WNK4: variants seen among roughly 807,000 people sequenced by gnomAD.
The protein encoded by WNK4 is WNK lysine deficient protein kinase 4.
In WNK4, 94 loss-of-function variants were observed where a neutral mutation model predicts 116.2. The observed-to-expected ratio is 0.81, with a 90% CI of 0.68 to 0.96. WNK4 has a LOEUF of 0.96. WNK4 is among the 40% of genes least tolerant of loss of function. The probability of loss-of-function intolerance (pLI) is 0.00; values close to 1 mark genes in which losing one functional copy is unlikely to be tolerated. For synonymous variants in WNK4, 655 were observed against 672.7 expected (o/e 0.97, Z 0.41); for missense variants, 1,542 against 1,650.6 (o/e 0.93, Z 1.14).
chr17:42,788,509 A>G, intron 10 of WNK4, 102 bp downstream of exon 10: 1 of 1,290,516 alleles, frequency 7.7e-7, no homozygotes, highest in African/African-American at 1.5e-5. Context: ...GAAGCAGTGT[A>G]TGACTAGTAC....
At chr17:42,794,722 A>AAGCAT in intron 13 of WNK4, 50 bp from the exon 14 acceptor site, 1 of 1,613,710 alleles carries the variant, frequency 6.2e-7, no homozygotes, top group Non-Finnish European at 8.5e-7. Flanking sequence ...TGCTCCTGGG[A>AAGCAT]AGGGCATAGG....
chr17:42,786,351 C>T (rs1292863001), intron 6 of WNK4, among the ~76,000 whole-genome samples: 1 of 152,164 alleles, frequency 6.6e-6, no homozygotes, highest in Non-Finnish European at 1.5e-5. Context: ...GATGCAAGGG[C>T]AGAAGCTTGG....
In WNK4 at chr17:42,793,657, C is replaced by T. The variant is rs2144071439; in HGVS notation, c.2223C>T (p.Ile741=). 6.2e-7 allele frequency: 1 copy of T among 1,614,050 alleles called. No homozygotes were observed. The highest frequency in any genetic ancestry group is 2.2e-5 in the East Asian group (1 of 44,880). Residue 741 remains isoleucine (I), a synonymous_variant, in exon 12 of 19, where the codon ATC becomes ATT. Coordinates refer to ENST00000246914, the MANE Select transcript of WNK4 (RefSeq NM_032387.5). ...DGFLRRIREI[I]QRVETLLKRD... is the part of the protein sequence containing the mutation. ...TTCTCAGACGGATTCGGGAGATTAT[C>T]CAGCGAGTGGAGACCCTGTTGAAGA...
rs1451084336 is a variant in WNK4, at chr17:42,782,909, TGACCTCGGGCACGCTCAA to T, written c.774_791del (p.Ser259_Thr264del). The T allele has an allele frequency of 3.7e-6, 6 of 1,614,042 alleles. No homozygotes were observed. The African/African-American group carries it at 8.0e-5, about 22-fold the overall frequency. ...TGCATCGTGCTGGTCACCGAACTCA[TGACCTCGGGCACGCTCAA>T]GACGTGAGCTCTGCGCATGAGTGGG... On this transcript the variant is annotated inframe_deletion, in exon 2 of 19. Coordinates refer to ENST00000246914, the MANE Select transcript of WNK4 (RefSeq NM_032387.5). The surrounding 1 kb of genome is among the most constrained non-coding windows in gnomAD (Gnocchi z 4.2).
At chr17:42,787,716 C>G in intron 7 of WNK4, 62 bp from the exon 8 acceptor site, 1 of 1,604,102 alleles carries the variant, frequency 6.2e-7, no homozygotes, top group South Asian at 1.1e-5. Flanking sequence ...TAGGCAGGCC[C>G]CATCCTCTGC....
chr17:42,793,626 A>G lies in WNK4; in HGVS notation c.2192A>G (p.Asp731Gly), dbSNP rs1353690930. Residue 731 changes from aspartate to glycine, a missense_variant, in exon 12 of 19, where the codon GAT (aspartate) becomes GGT (glycine). Coordinates refer to ENST00000246914, the MANE Select transcript of WNK4 (RefSeq NM_032387.5). ...YNEFILPSER[D>G]GFLRRIREII... ...GAGTTCATTCTGCCTTCGGAGCGAG[A>G]TGGATTTCTCAGACGGATTCGGGAG... is the stretch of plus-strand genomic sequence containing the variant. 1 of 1,614,030 alleles carries G rather than the reference A, an allele frequency of 6.2e-7. No individual in the cohort carries two copies. Among genetic ancestry groups the G allele is most frequent in the Non-Finnish European group, 8.5e-7 (1 of 1,179,986 alleles).
Position 42,788,381 on chromosome 17 carries a change from C to T in WNK4, c.2014C>T (p.Pro672Ser), listed in dbSNP as rs780644872. ...RPPGRNLRRR[P>S]RSRLRVTSVS... ...CCCAGGGAGGAATCTCCGGCGCAGA[C>T]CCCGATCCCGGCTGCGGGTCACTAG... is the stretch of plus-strand genomic sequence containing the variant. The change falls in exon 10 of 19, where the codon CCC becomes TCC. Residue 672 changes from proline to serine, a missense_variant. Physicochemically the swap from Pro to Ser is moderately conservative, Grantham distance 74 (BLOSUM62 -1). Coordinates refer to ENST00000246914, the MANE Select transcript of WNK4 (RefSeq NM_032387.5). The T allele has an allele frequency of 2.5e-6, 4 of 1,612,964 alleles. No individual in the cohort carries two copies. Among genetic ancestry groups the T allele is most frequent in the East Asian group, 2.2e-5 (1 of 44,896 alleles).
chr17:42,780,827 G>A lies in WNK4; in HGVS notation c.129G>A (p.Ala43=), dbSNP rs1197925246. 1.9e-6 allele frequency: 3 copies of A among 1,601,310 alleles called. No homozygotes were observed. Among genetic ancestry groups the A allele is most frequent in the Non-Finnish European group, 2.5e-6 (3 of 1,178,156 alleles). ...GCCTCGGGCCCCCTCCTCGCCGAGC[G>A]CGCCGCTTCTCCGGGAAGGCTGAGC... ...QPRLGPPPRR[A]RRFSGKAEPR... The change falls in exon 1 of 19, where the codon GCG becomes GCA. Residue 43 remains alanine (A), a synonymous_variant. Transcript: ENST00000246914.
At position 42,794,547 on chromosome 17, in the gene WNK4, G is replaced by C; in HGVS notation, c.2296-67G>C. 3.2e-6 allele frequency: 5 copies of C among 1,579,782 alleles called. No homozygotes were observed. In the South Asian group the frequency reaches 5.6e-5, roughly 18 times the overall value. ...TCATGGGTCCTAGCTTAGGAACCCCGGTCTGACACCTTCCATCTCAGACTG... is the reference window on the plus strand; with the variant it reads ...TCATGGGTCCTAGCTTAGGAACCCCCGTCTGACACCTTCCATCTCAGACTG... On this transcript the variant is annotated intron_variant, in intron 12 of 18. Coordinates refer to ENST00000246914, the MANE Select transcript of WNK4 (RefSeq NM_032387.5).
chr17:42,792,616 T>C (rs1395737339), intron 11 of WNK4, among the ~76,000 whole-genome samples: 1 of 152,226 alleles, frequency 6.6e-6, no homozygotes, highest in Non-Finnish European at 1.5e-5. Context: ...TATTACGGGC[T>C]GCCTTGCAGT....
In WNK4 at chr17:42,793,687, C is replaced by T. The variant is rs779616282; in HGVS notation, c.2253C>T (p.Asp751=). Residue 751 remains aspartate (D), a synonymous_variant, in exon 12 of 19, where the codon GAC becomes GAT. Coordinates refer to ENST00000246914, the MANE Select transcript of WNK4 (RefSeq NM_032387.5). ...IQRVETLLKR[D]TGPMEAAEDT... ...GAGTGGAGACCCTGTTGAAGAGAGA[C>T]ACTGGCCCCATGGAGGCTGCTGAAG... 20 of 1,614,114 alleles carry T rather than the reference C, an allele frequency of 1.2e-5. No individual in the cohort carries two copies. Among genetic ancestry groups the T allele is most frequent in the Non-Finnish European group, 1.7e-5 (20 of 1,180,010 alleles).
intron 11 of WNK4, among the ~76,000 whole-genome samples, chr17:42,793,197 G>T (rs1324447657): frequency 6.6e-6 from 1 of 152,132 alleles, no homozygotes; most frequent in Non-Finnish European, 1.5e-5. Flanking sequence ...GTTGGCAGGA[G>T]CAGTAGTGTG....
chr17:42,789,258 A>G (rs749032069), intron 11 of WNK4, among the ~76,000 whole-genome samples: 10 of 152,198 alleles, frequency 6.6e-5, no homozygotes, highest in Non-Finnish European at 1.5e-4. Context: ...GGAGGGCTTC[A>G]TGAGGAAACC....
In WNK4 at chr17:42,795,301, C is replaced by T. The variant is rs770977446; in HGVS notation, c.2880C>T (p.Leu960=). The T allele has an allele frequency of 6.2e-7, 1 of 1,613,928 alleles. No individual in the cohort carries two copies. The highest frequency in any genetic ancestry group is 1.1e-5 in the South Asian group (1 of 91,076). ...SQSPPAPPSP[L]PSLPLPPPVA... ...CTCCTCCAGCCCCTCCTAGTCCCCT[C>T]CCTAGCCTGCCCCTTCCCCCTCCCG... Residue 960 remains leucine, a synonymous_variant, in exon 14 of 19, where the codon CTC becomes CTT. Coordinates refer to ENST00000246914, the MANE Select transcript of WNK4 (RefSeq NM_032387.5).
At chr17:42,783,831 T>C in intron 2 of WNK4, 106 bp from the exon 3 acceptor site, 1 of 1,067,596 alleles carries the variant, frequency 9.4e-7, no homozygotes, top group Non-Finnish European at 1.4e-6. Flanking sequence ...TGGCAGAAGA[T>C]GCGGAGGCGG....
At position 42,782,942 on chromosome 17, in the gene WNK4, G is replaced by C. The variant is rs774820879; in HGVS notation, c.791+12G>C. The C allele has an allele frequency of 1.9e-6, 3 of 1,613,432 alleles. No individual in the cohort carries two copies. In the Admixed American group the frequency reaches 5.0e-5, roughly 27 times the overall value. ...GGCACGCTCAAGACGTGAGCTCTGC[G>C]CATGAGTGGGTGGGGAGAGGGAGGC... On this transcript the variant is annotated intron_variant, in intron 2 of 18. Transcript: ENST00000246914. The surrounding 1 kb of genome is among the most constrained non-coding windows in gnomAD (Gnocchi z 4.2).
rs150813956 is a variant in WNK4 at position 42,784,205 on chromosome 17, A to G, written c.1012+48A>G. 1.4e-4 allele frequency: 218 copies of G among 1,599,818 alleles called. 2 individuals are homozygous for G. The African/African-American group carries it at 2.5e-3, about 18-fold the overall frequency. On this transcript the variant is annotated intron_variant, in intron 3 of 18. Transcript: ENST00000246914. This position sits in a 1 kb window ranked among gnomAD's most constrained non-coding sequence, Gnocchi z 4.4. ...ATGCCATTCCTTCCTCCCCCACCTCAGAAGAGAACCTGGGGACTCCCTCCC... is the reference window on the plus strand; with the variant it reads ...ATGCCATTCCTTCCTCCCCCACCTCGGAAGAGAACCTGGGGACTCCCTCCC...
intron 18 of WNK4, 23 bp from the exon 19 acceptor site, chr17:42,796,663 A>G: frequency 3.1e-6 from 5 of 1,614,128 alleles, no homozygotes; most frequent in Non-Finnish European, 4.2e-6. Flanking sequence ...AGGTTTCTTC[A>G]TCACTTTTTC....
At chr17:42,786,244 T>C (rs549337092) in intron 6 of WNK4, among the ~76,000 whole-genome samples, 1 of 152,294 alleles carries the variant, frequency 6.6e-6, no homozygotes, top group African/African-American at 2.4e-5. Context: ...TTAAATCAGG[T>C]TACCCTTCCC....
Sources: gnomAD v4.1 joint callset for allele counts (sites outside exome capture counted in the v4.1 genomes callset) on GRCh38, gnomAD v4.1.1 for gene constraint, Gnocchi (gnomAD v3.1) non-coding constraint, MANE v1.5 for transcripts, NCBI Gene and HGNC (gene_info 2026-07-23, HGNC 2026-07-21) for gene names.